Variants in MACROD2 observed in about 807,000 individuals in gnomAD.
MACROD2 encodes the protein mono-ADP ribosylhydrolase 2, also known as ADP-ribose glycohydrolase MACROD2.
A neutral mutation model predicts 70.4 loss-of-function variants in MACROD2; 36 were observed. The ratio of observed to expected loss-of-function variants is 0.51; its 90% CI spans 0.39 to 0.68. MACROD2 has a LOEUF of 0.68. Ranked by LOEUF, MACROD2 falls within the 30% of genes least tolerant of loss-of-function variation. The pLI, the probability that MACROD2 is intolerant of heterozygous loss-of-function variation, is 0.00. For missense variants in MACROD2, 496 were observed against 538.4 expected, an observed-to-expected ratio of 0.92 and a Z score of 0.78; for synonymous variants, 172 against 178.8, an observed-to-expected ratio of 0.96 and a Z score of 0.30.
intron 7 of MACROD2, among the ~76,000 whole-genome samples, chr20:15,458,345 C>A (rs1054805430): frequency 1.1e-4 from 16 of 152,096 alleles, no homozygotes; most frequent in African/African-American, 3.4e-4. Context: ...ATCACAGCCT[C>A]ATTTTTATGG....
Position 14,579,127 on chromosome 20 carries a change from CTTTTTTTTTTTT to C in MACROD2, c.301+85633_301+85644del, listed in dbSNP as rs71190141. 7.8e-3 allele frequency among the ~76,000 whole-genome samples: 579 copies of C among 74,434 alleles called. 5 individuals are homozygous for C. In the Middle Eastern group the frequency reaches 0.13, roughly 17 times the overall value. The allele number at this position is 74,434 out of a possible 152,430, so 48.8% of individuals were successfully genotyped here. On this transcript the variant is annotated intron_variant, in intron 4 of 17. Transcript: ENST00000684519. ...TTCTGGGAAGCAACTGTATCCAATT[CTTTTTTTTTTTT>C]TTTTTTTTTTTTTGAGACGGAGTCT... is the stretch of plus-strand genomic sequence containing the variant.
chr20:15,213,612 A>C (rs2076783104), intron 5 of MACROD2, among the ~76,000 whole-genome samples: 1 of 152,160 alleles, frequency 6.6e-6, no homozygotes, highest in South Asian at 2.1e-4. Flanking sequence ...ATGTTTTGGC[A>C]TGGGTAAGTT....
chr20:14,269,313 A>C (rs1210167594), intron 3 of MACROD2, among the ~76,000 whole-genome samples: 1 of 152,206 alleles, frequency 6.6e-6, no homozygotes. Flanking sequence ...AATATCTCCA[A>C]TTTAATTGGG....
chr20:15,338,531 T>C (rs753994198), intron 6 of MACROD2, among the ~76,000 whole-genome samples: 12 of 151,652 alleles, frequency 7.9e-5, no homozygotes, highest in Non-Finnish European at 1.8e-4. Context: ...TAAAACAGGA[T>C]GCTAAGAAGC....
intron 8 of MACROD2, among the ~76,000 whole-genome samples, chr20:15,679,808 C>G (rs1314216609): frequency 6.6e-6 from 1 of 152,292 alleles, no homozygotes; most frequent in African/African-American, 2.4e-5. Flanking sequence ...AGGCACCACA[C>G]TTGGGAGCAA....
chr20:14,245,312 G>A (rs1002834399), intron 3 of MACROD2, among the ~76,000 whole-genome samples: 2 of 150,550 alleles, frequency 1.3e-5, no homozygotes, highest in African/African-American at 2.5e-5. Flanking sequence ...GCAGTGAGCC[G>A]AGATTGTGCC....
intron 6 of MACROD2, among the ~76,000 whole-genome samples, chr20:15,408,155 G>C (rs2046029944): frequency 6.6e-6 from 1 of 152,206 alleles, no homozygotes; most frequent in Non-Finnish European, 1.5e-5. Flanking sequence ...TTTAAAACCA[G>C]AAGTTTTTTA....
At chr20:14,097,498 C>A (rs1197359420) in intron 3 of MACROD2, among the ~76,000 whole-genome samples, 1 of 152,172 alleles carries the variant, frequency 6.6e-6, no homozygotes, top group Non-Finnish European at 1.5e-5. Flanking sequence ...TATTTTAGCT[C>A]TTCCTACCCC....
intron 3 of MACROD2, among the ~76,000 whole-genome samples, chr20:14,367,654 T>TAAAA (rs2083284478): frequency 6.6e-6 from 1 of 152,226 alleles, no homozygotes; most frequent in Non-Finnish European, 1.5e-5. Context: ...GGATCCCTTG[T>TAAAA]ATGTTGGATG....
At chr20:15,688,062 T>C (rs1488936385) in intron 8 of MACROD2, among the ~76,000 whole-genome samples, 2 of 152,194 alleles carry the variant, frequency 1.3e-5, no homozygotes, top group African/African-American at 4.8e-5. Flanking sequence ...GAGGCCATGG[T>C]CTCTGCCATG....
intron 8 of MACROD2, among the ~76,000 whole-genome samples, chr20:15,555,095 T>G (rs2048148463): frequency 6.6e-6 from 1 of 151,964 alleles, no homozygotes; most frequent in South Asian, 2.1e-4. Context: ...GGGGTATGAG[T>G]GTGTCTATTA....
intron 4 of MACROD2, among the ~76,000 whole-genome samples, chr20:14,615,059 G>A (rs567004542): frequency 1.3e-5 from 2 of 152,204 alleles, no homozygotes; most frequent in Admixed American, 6.5e-5. Context: ...AGGGAAAGAA[G>A]TTAGGTTTTG....
intron 4 of MACROD2, among the ~76,000 whole-genome samples, chr20:14,653,949 C>T (rs1023294896): frequency 6.6e-6 from 1 of 152,142 alleles, no homozygotes; most frequent in Non-Finnish European, 1.5e-5. Flanking sequence ...GTACCTCTTT[C>T]CCTTTCTTTC....
At chr20:14,492,337 A>G (rs1568637577) in intron 3 of MACROD2, among the ~76,000 whole-genome samples, 2 of 152,202 alleles carry the variant, frequency 1.3e-5, no homozygotes, top group Non-Finnish European at 2.9e-5. Context: ...GGAAGATTAT[A>G]TGAGACTAAA....
intron 6 of MACROD2, among the ~76,000 whole-genome samples, chr20:15,277,696 T>C (rs10485521): frequency 0.16 from 24,474 of 152,180 alleles, 2,368 homozygotes; most frequent in Non-Finnish European, 0.22. Context: ...AGCAGTCTAG[T>C]ATAATATGAT....
chr20:14,446,253 T>A (rs2084180780), intron 3 of MACROD2, among the ~76,000 whole-genome samples: 2 of 152,054 alleles, frequency 1.3e-5, no homozygotes, highest in Non-Finnish European at 2.9e-5. Context: ...TAATAAATAT[T>A]TTCTGCTATT....
intron 6 of MACROD2, among the ~76,000 whole-genome samples, chr20:15,246,050 C>A (rs1283474990): frequency 1.3e-5 from 2 of 152,274 alleles, no homozygotes; most frequent in South Asian, 2.1e-4. Context: ...TGTAACGAAC[C>A]ATAGGCTAGA....
At chr20:14,988,796 G>A (rs2074873657) in intron 5 of MACROD2, among the ~76,000 whole-genome samples, 1 of 152,074 alleles carries the variant, frequency 6.6e-6, no homozygotes, top group Non-Finnish European at 1.5e-5. Flanking sequence ...TTACTACGGT[G>A]GGATGCTGAT....
chr20:15,549,331 T>A (rs1216190398), intron 8 of MACROD2, among the ~76,000 whole-genome samples: 1 of 152,230 alleles, frequency 6.6e-6, no homozygotes, highest in Non-Finnish European at 1.5e-5. Flanking sequence ...CTAGAAACTA[T>A]GGCTGTATGT....
Sources: gnomAD v4.1 joint callset for allele counts (sites outside exome capture counted in the v4.1 genomes callset) on GRCh38, gnomAD v4.1.1 for gene constraint, MANE v1.5 for transcripts, NCBI Gene and HGNC (gene_info 2026-07-23, HGNC 2026-07-21) for gene names.